Variants in KALRN observed in about 807,000 individuals in gnomAD.
KALRN encodes kalirin.
In KALRN, 70 loss-of-function variants were observed where a neutral mutation model predicts 353.7. The observed-to-expected ratio is 0.20, with a 90% CI of 0.16 to 0.24. The LOEUF (loss-of-function observed/expected upper bound fraction) is 0.24. KALRN is among the 10% of genes least tolerant of loss of function. The pLI is 1.00. For synonymous variants in KALRN, 1,391 were observed against 1,434.8 expected, an observed-to-expected ratio of 0.97 and a Z score of 0.69; for missense variants, 2,791 against 3,756.7, an observed-to-expected ratio of 0.74 and a Z score of 6.72.
chr3:124,367,126 T>G (rs1482211422), intron 10 of KALRN, among the ~76,000 whole-genome samples: 1 of 81,162 alleles, frequency 1.2e-5, no homozygotes, highest in African/African-American at 5.3e-5. Context: ...CACTTCCCAG[T>G]AGGGGCGGCC....
At chr3:124,588,116 A>G (rs1406643182) in intron 34 of KALRN, among the ~76,000 whole-genome samples, 2 of 152,184 alleles carry the variant, frequency 1.3e-5, no homozygotes, top group Non-Finnish European at 2.9e-5. Context: ...AAGGAAATAG[A>G]TATCGGGTAA....
chr3:124,427,505 C>T (rs1012716931), intron 15 of KALRN, among the ~76,000 whole-genome samples: 3 of 152,222 alleles, frequency 2.0e-5, no homozygotes, highest in Non-Finnish European at 4.4e-5. Context: ...GGCGGCTTCC[C>T]AGCCTACATG....
intron 13 of KALRN, among the ~76,000 whole-genome samples, chr3:124,400,353 C>T (rs2090708064): frequency 6.6e-6 from 1 of 152,152 alleles, no homozygotes; most frequent in Admixed American, 6.6e-5. Flanking sequence ...CTTGGGAGAA[C>T]TTGTAATTTC....
intron 57 of KALRN, among the ~76,000 whole-genome samples, chr3:124,709,771 A>G (rs988247657): frequency 1.3e-5 from 2 of 152,370 alleles, no homozygotes; most frequent in Non-Finnish European, 2.9e-5. Flanking sequence ...AATTGTTTCT[A>G]AAAAATAAGA....
intron 14 of KALRN, among the ~76,000 whole-genome samples, chr3:124,418,364 A>G (rs560942261): frequency 8.5e-5 from 13 of 152,142 alleles, no homozygotes; most frequent in African/African-American, 2.9e-4. Flanking sequence ...GTGGACCCAG[A>G]TTTTTTTTAA....
rs1216619193 is a variant in KALRN at position 124,671,838 on chromosome 3, C to T, written c.6882C>T (p.Thr2294=). The change falls in exon 48 of 60, where the codon ACC becomes ACT. Residue 2294 remains threonine (T), a synonymous_variant. Transcript: ENST00000682506. ...NPPLPPLKIS[T]SNGSPGFEYH... ...CTCTGCCTCCCCTGAAGATATCTAC[C>T]TCCAATGGCAGTCCAGGGTTTGAAT... 3.1e-6 allele frequency: 5 copies of T among 1,614,104 alleles called. No individual in the cohort carries two copies. The Admixed American group carries it at 6.7e-5, about 22-fold the overall frequency.
At chr3:124,618,483 T>C (rs1294568778) in intron 34 of KALRN, among the ~76,000 whole-genome samples, 1 of 152,156 alleles carries the variant, frequency 6.6e-6, no homozygotes, top group East Asian at 1.9e-4. Context: ...CCTTGCCCAT[T>C]CTGTGGGAGA....
rs1218462793 is a variant in KALRN, at chr3:124,674,536, C to G, written c.7115C>G (p.Ala2372Gly). ...YQPASDHSPA[A>G]EGWVPGSILA... ...CCTGCCAGCGACCATTCCCCCGCCG[C>G]CGAGGGCTGGGTCCCAGGCAGCATC... is the stretch of plus-strand genomic sequence containing the variant. The change falls in exon 49 of 60, where the codon GCC becomes GGC. Residue 2372 changes from alanine (A) to glycine (G), a missense_variant. Coordinates refer to ENST00000682506, the MANE Select transcript of KALRN (RefSeq NM_001388419.1). The G allele has an allele frequency of 6.2e-7, 1 of 1,613,760 alleles. No homozygotes were observed. The highest frequency in any genetic ancestry group is 1.7e-5 in the Admixed American group (1 of 59,960).
intron 4 of KALRN, among the ~76,000 whole-genome samples, chr3:124,266,538 T>C (rs909682397): frequency 6.6e-6 from 1 of 152,256 alleles, no homozygotes; most frequent in Non-Finnish European, 1.5e-5. Context: ...AAATATAAAC[T>C]GTTCCCTTCC....
intron 1 of KALRN, among the ~76,000 whole-genome samples, chr3:124,146,615 C>T (rs968273275): frequency 1.3e-5 from 2 of 152,100 alleles, no homozygotes; most frequent in African/African-American, 4.8e-5. Context: ...CAGTGTCTCA[C>T]GCCTGTAATC....
intron 13 of KALRN, among the ~76,000 whole-genome samples, chr3:124,399,263 C>T (rs1023015109): frequency 1.3e-5 from 2 of 152,144 alleles, no homozygotes; most frequent in Non-Finnish European, 2.9e-5. Context: ...CTCAGCCTCC[C>T]GAATAGCTGG....
rs1469104497 is a variant in KALRN at position 124,434,468 on chromosome 3, G to A, written c.2991G>A (p.Met997Ile). The A allele has an allele frequency of 6.2e-7, 1 of 1,614,104 alleles. No individual in the cohort carries two copies. The highest frequency in any genetic ancestry group is 1.3e-5 in the African/African-American group (1 of 74,942). Residue 997 changes from methionine to isoleucine, a missense_variant, in exon 17 of 60, where the codon ATG (methionine) becomes ATA (isoleucine). Physicochemically the swap from Met to Ile is conservative, Grantham distance 10. Coordinates refer to ENST00000682506, the MANE Select transcript of KALRN (RefSeq NM_001388419.1). The part of the protein sequence containing the change: ...ALHWQQLMLK[M>I]EDRLKLVNAS... ...ACTGGCAGCAGCTCATGCTGAAGAT[G>A]GAAGACCGGCTAAAATTGGTCAATG...
At chr3:124,159,626 AT>A (rs1243640377) in intron 1 of KALRN, among the ~76,000 whole-genome samples, 1 of 147,494 alleles carries the variant, frequency 6.8e-6, no homozygotes, top group Non-Finnish European at 1.5e-5. Context: ...AACTGGTTAC[AT>A]TTTGCCTTCT....
At chr3:124,193,846 T>C (rs2075175747) in intron 1 of KALRN, among the ~76,000 whole-genome samples, 1 of 152,230 alleles carries the variant, frequency 6.6e-6, no homozygotes, top group African/African-American at 2.4e-5. Flanking sequence ...ATCCAGTCTC[T>C]TTTAGCTTGA....
chr3:124,056,328 G>A (rs1430982937), intron 1 of KALRN, among the ~76,000 whole-genome samples: 2 of 152,228 alleles, frequency 1.3e-5, no homozygotes, highest in African/African-American at 2.4e-5. Flanking sequence ...TGGAGACCTC[G>A]AGTCGTCTGG....
rs1158444891 is a variant in KALRN at position 124,264,488 on chromosome 3, C to T, written c.264-10C>T. 3.1e-6 allele frequency: 5 copies of T among 1,612,504 alleles called. No homozygotes were observed. Among genetic ancestry groups the T allele is most frequent in the Non-Finnish European group, 3.4e-6 (4 of 1,179,188 alleles). On this transcript the variant is annotated splice_polypyrimidine_tract_variant and intron_variant, in intron 3 of 59. Coordinates refer to ENST00000682506, the MANE Select transcript of KALRN (RefSeq NM_001388419.1). ...CAGAGTGACCATACCGACCTCTGAC[C>T]TCCCCACAGTGAGGACGTGTGCAAA... is the stretch of plus-strand genomic sequence containing the variant.
intron 1 of KALRN, among the ~76,000 whole-genome samples, chr3:124,181,786 G>T (rs1264651711): frequency 6.6e-6 from 1 of 152,132 alleles, no homozygotes; most frequent in Non-Finnish European, 1.5e-5. Flanking sequence ...AGTGGAAAGT[G>T]GTTCCTAGGA....
At chr3:124,547,856 T>TA (rs1238428088) in intron 33 of KALRN, among the ~76,000 whole-genome samples, 15 of 151,860 alleles carry the variant, frequency 9.9e-5, no homozygotes, top group Non-Finnish European at 2.2e-4. Context: ...GTGAGGTTGA[T>TA]ACTACCGACC....
At chr3:124,667,253 C>T in intron 47 of KALRN, 70 bp downstream of exon 47, 1 of 1,387,296 alleles carries the variant, frequency 7.2e-7, no homozygotes, top group Admixed American at 2.2e-5. Context: ...TTCCTTGGGT[C>T]TAGGTTCATG....
Sources: allele counts gnomAD v4.1 joint callset (sites outside exome capture counted in the v4.1 genomes callset), GRCh38; gene constraint gnomAD v4.1.1; transcripts MANE v1.5; gene names NCBI Gene and HGNC (gene_info 2026-07-23, HGNC 2026-07-21).